Variants in BEST1 observed in about 807,000 individuals in gnomAD.
BEST1 encodes the protein bestrophin-1.
In BEST1, 58 loss-of-function variants were observed where a neutral mutation model predicts 63.3. The observed-to-expected ratio is 0.92, with a 90% confidence interval of 0.74 to 1.14. The LOEUF (loss-of-function observed/expected upper bound fraction) is 1.14, where lower values mean the gene tolerates loss of function less well. BEST1 is among the 50% of genes most tolerant of loss of function. The pLI is 0.00. For missense variants in BEST1, 671 were observed against 740.1 expected, an observed-to-expected ratio of 0.91 and a Z score of 1.08; for synonymous variants, 283 against 291.6, an observed-to-expected ratio of 0.97 and a Z score of 0.30.
chr11:61,961,039 G>A (rs922477036), intron 9 of BEST1: 1 of 150,802 alleles, frequency 6.6e-6, no homozygotes, highest in African/African-American at 2.4e-5. Context: ...TTTTTTAAAC[G>A]GAGTTTCACT....
rs1378679988 is a variant in BEST1 at position 61,955,897 on chromosome 11, G to A, written c.427G>A (p.Val143Ile). ...GGGCAACGTGCTCATCCTGCGCAGC[G>A]TCAGCACCGCAGTCTACAAGCGCTT... Reference protein sequence around the residue: ...NLGNVLILRSVSTAVYKRFPS... With the variant: ...NLGNVLILRSISTAVYKRFPS... The change falls in exon 4 of 11, where the codon GTC (valine) becomes ATC (isoleucine). Residue 143 changes from valine to isoleucine, a missense_variant. Val to Ile is a conservative substitution (Grantham distance 29). Transcript: ENST00000378043. 9 of 1,550,346 alleles carry A rather than the reference G, an allele frequency of 5.8e-6. No individual in the cohort carries two copies. The South Asian group carries it at 1.1e-4, about 18-fold the overall frequency.
chr11:61,962,523 C>T lies in BEST1; in HGVS notation c.1369C>T (p.Pro457Ser). The T allele has an allele frequency of 6.2e-7, 1 of 1,614,176 alleles. No individual in the cohort carries two copies. Among genetic ancestry groups the T allele is most frequent in the Non-Finnish European group, 8.5e-7 (1 of 1,180,038 alleles). The change falls in exon 10 of 11, where the codon CCA becomes TCA. Residue 457 changes from proline to serine, a missense_variant. By Grantham distance (74) the Pro-to-Ser change is moderately conservative. Coordinates refer to ENST00000378043, the MANE Select transcript of BEST1 (RefSeq NM_004183.4). The stretch of plus-strand genomic sequence containing the variant: ...GGCTGTGGACGCCTTCAAGTCTGCC[C>T]CACTGTATCAGAGGCCAGGCTACTA... ...LKAVDAFKSA[P>S]LYQRPGYYSA... is the part of the protein sequence containing the mutation.
chr11:61,956,600 T>C (rs1941389040), intron 4 of BEST1, among the ~76,000 whole-genome samples: 1 of 152,128 alleles, frequency 6.6e-6, no homozygotes, highest in Admixed American at 6.5e-5. Flanking sequence ...CAGGCTGCAG[T>C]GCGCTAAGAT....
At chr11:61,962,179 G>C in intron 9 of BEST1, 76 bp from the exon 10 acceptor site, 2 of 1,524,170 alleles carry the variant, frequency 1.3e-6, no homozygotes, top group Non-Finnish European at 1.8e-6. Context: ...GAGAGGAGCG[G>C]GGGTAAGGGA....
Position 61,964,404 on chromosome 11 carries a change from C to T in BEST1, c.*282C>T, listed in dbSNP as rs1366033592. 4.5e-5 allele frequency: 29 copies of T among 637,478 alleles called. No individual in the cohort carries two copies. Among genetic ancestry groups the T allele is most frequent in the Non-Finnish European group, 7.0e-5 (26 of 373,936 alleles). 39.5% of individuals were successfully genotyped at this position (637,478 alleles called of 1,614,324 possible). A position where few individuals can be genotyped will look rare whatever the true frequency, so the allele number is the denominator to read the frequency against. ...CCCTTAGTTCTATCTGAATCCAAGA[C>T]AGCCACACCTTAGTATACTGCCCAA... is the stretch of plus-strand genomic sequence containing the variant. On this transcript the variant is annotated 3_prime_UTR_variant, in exon 11 of 11. Coordinates refer to ENST00000378043, the MANE Select transcript of BEST1 (RefSeq NM_004183.4).
At chr11:61,963,890 C>T (rs894652873) in intron 10 of BEST1, 10 of 1,346,640 alleles carry the variant, frequency 7.4e-6, no homozygotes, top group Admixed American at 2.8e-5. Context: ...GTAGTCCCAA[C>T]GCAGGAGGTT....
intron 2 of BEST1, among the ~76,000 whole-genome samples, chr11:61,952,857 C>T (rs1173239216): frequency 6.6e-6 from 1 of 152,028 alleles, no homozygotes. Flanking sequence ...TCTGTAATCC[C>T]AGCACTTTGA....
chr11:61,957,759 C>A (rs1487408867), intron 6 of BEST1, among the ~76,000 whole-genome samples: 1 of 152,098 alleles, frequency 6.6e-6, no homozygotes, highest in Non-Finnish European at 1.5e-5. Context: ...GGTGGATCAC[C>A]TGAGGTCAGG....
chr11:61,961,955 T>G, intron 9 of BEST1: 3 of 426,388 alleles, frequency 7.0e-6, no homozygotes, highest in Non-Finnish European at 8.7e-6. Context: ...GAGTGAGGGG[T>G]TTTACAGGGG....
At position 61,956,961 on chromosome 11, in the gene BEST1, G is replaced by A. The variant is rs769188077; in HGVS notation, c.599G>A (p.Arg200Gln). Reference sequence around the variant, plus strand: ...TCAATGAAGGCGTGGCTTGGAGGTCGAATCCGGGACCCTATCCTGCTCCAG... The same window carrying A: ...TCAATGAAGGCGTGGCTTGGAGGTCAAATCCGGGACCCTATCCTGCTCCAG... ...NLSMKAWLGG[R>Q]IRDPILLQSL... The change falls in exon 5 of 11, where the codon CGA (arginine) becomes CAA (glutamine). Residue 200 changes from arginine (R) to glutamine (Q), a missense_variant. Physicochemically the swap from Arg to Gln is conservative, Grantham distance 43. Coordinates refer to ENST00000378043, the MANE Select transcript of BEST1 (RefSeq NM_004183.4). 8.7e-6 allele frequency: 14 copies of A among 1,614,136 alleles called. No homozygotes were observed. The South Asian group carries it at 1.1e-4, about 13-fold the overall frequency.
rs748684128 is a variant in BEST1, at chr11:61,951,883, G to A, written c.77G>A (p.Gly26Asp). 6.2e-7 allele frequency: 1 copy of A among 1,612,930 alleles called. No homozygotes were observed. Reference sequence around the variant, plus strand: ...TCCCGCCTGCTGCTGTGCTGGCGGGGCAGCATCTACAAGCTGCTATATGGC... The same window carrying A: ...TCCCGCCTGCTGCTGTGCTGGCGGGACAGCATCTACAAGCTGCTATATGGC... ...SFSRLLLCWR[G>D]SIYKLLYGEF... Residue 26 changes from glycine (G) to aspartate (D), a missense_variant, in exon 2 of 11, where the codon GGC (glycine) becomes GAC (aspartate). Gly to Asp is a moderately conservative substitution (Grantham distance 94). Coordinates refer to ENST00000378043, the MANE Select transcript of BEST1 (RefSeq NM_004183.4).
At chr11:61,963,816 C>G (rs1942320195) in intron 10 of BEST1, 1 of 1,262,228 alleles carries the variant, frequency 7.9e-7, no homozygotes, top group Non-Finnish European at 1.0e-6. Flanking sequence ...CCAACCTGGC[C>G]AACATGATGA....
chr11:61,952,650 T>A (rs1387063267), intron 2 of BEST1, among the ~76,000 whole-genome samples: 1 of 150,470 alleles, frequency 6.6e-6, no homozygotes, highest in African/African-American at 2.4e-5. Flanking sequence ...TTTTTTTCTG[T>A]ATTTTTAGTA....
chr11:61,952,017 T>G, intron 2 of BEST1, 59 bp downstream of exon 2: 1 of 1,586,208 alleles, frequency 6.3e-7, no homozygotes, highest in Non-Finnish European at 8.6e-7. Context: ...GGCTGGGAGC[T>G]CCTGGGGGCC....
intron 4 of BEST1, among the ~76,000 whole-genome samples, chr11:61,956,394 G>A (rs1941364049): frequency 6.6e-6 from 1 of 152,170 alleles, no homozygotes; most frequent in South Asian, 2.1e-4. Flanking sequence ...GCTGTCGCCT[G>A]TAATCCCAGT....
chr11:61,958,582 C>A, intron 7 of BEST1: 2 of 757,820 alleles, frequency 2.6e-6, no homozygotes, highest in South Asian at 1.7e-5. Context: ...AACAACAAAA[C>A]AAAGCCCTAA....
chr11:61,955,616 G>A, intron 3 of BEST1, 102 bp from the exon 4 acceptor site: 1 of 1,323,970 alleles, frequency 7.6e-7, no homozygotes, highest in Non-Finnish European at 1.0e-6. Context: ...AGGCCCGCTC[G>A]CAGCAGAAAG....
In BEST1 at chr11:61,958,127, A is replaced by C. The variant is rs75390067; in HGVS notation, c.715-19A>C. On this transcript the variant is annotated intron_variant, in intron 6 of 10. Transcript: ENST00000378043. ...TTCCCACCTAGCCCTTTGCTACCACATCCTCCTCCTCCTCCCAGGTGGTGA... is the reference window on the plus strand; with the variant it reads ...TTCCCACCTAGCCCTTTGCTACCACCTCCTCCTCCTCCTCCCAGGTGGTGA... 6 of 1,544,474 alleles carry C rather than the reference A, an allele frequency of 3.9e-6. No homozygotes were observed. Among genetic ancestry groups the C allele is most frequent in the South Asian group, 2.3e-5 (2 of 87,308 alleles).
intron 10 of BEST1, 85 bp from the exon 11 acceptor site, chr11:61,964,019 C>T (rs1003289444): frequency 1.9e-6 from 3 of 1,596,184 alleles, no homozygotes; most frequent in Non-Finnish European, 2.6e-6. Flanking sequence ...ATCGTCTCAA[C>T]CTTTGCCCTC....
Sources: allele counts gnomAD v4.1 joint callset (sites outside exome capture counted in the v4.1 genomes callset), GRCh38; gene constraint gnomAD v4.1.1; transcripts MANE v1.5; gene names NCBI Gene and HGNC (gene_info 2026-07-23, HGNC 2026-07-21).